The following GPC5 variants were observed in gnomAD, a reference collection of about 807,000 sequenced individuals.
The protein encoded by GPC5 is glypican 5.
In GPC5, 47 loss-of-function variants were observed where a neutral mutation model predicts 53.9. The observed-to-expected ratio is 0.87, with a 90% CI of 0.69 to 1.11. GPC5 has a LOEUF of 1.11. GPC5 is among the 50% of genes most tolerant of loss of function. The pLI is 0.00. For synonymous variants in GPC5, 286 were observed against 263.3 expected (o/e 1.09, Z -0.84); for missense variants, 748 against 713.1 (o/e 1.05, Z -0.56).
At chr13:91,561,831 C>A (rs1335933924) in intron 2 of GPC5, among the ~76,000 whole-genome samples, 2 of 152,072 alleles carry the variant, frequency 1.3e-5, no homozygotes, top group Non-Finnish European at 2.9e-5. Flanking sequence ...AATATTTTTA[C>A]TGAGAAAAAT....
intron 6 of GPC5, among the ~76,000 whole-genome samples, chr13:92,062,417 T>C (rs865834993): frequency 1.3e-4 from 20 of 152,126 alleles, no homozygotes; most frequent in African/African-American, 3.9e-4. Flanking sequence ...CTGCTAAAAA[T>C]AAATCAGAGT....
intron 7 of GPC5, among the ~76,000 whole-genome samples, chr13:92,657,737 A>G (rs1402130053): frequency 6.6e-6 from 1 of 151,858 alleles, no homozygotes; most frequent in Non-Finnish European, 1.5e-5. Context: ...AATACTTCAA[A>G]TTTTCCAAGA....
chr13:92,783,729 C>T (rs1198659672), intron 7 of GPC5, among the ~76,000 whole-genome samples: 3 of 151,948 alleles, frequency 2.0e-5, no homozygotes, highest in Non-Finnish European at 4.4e-5. Context: ...TAGGTTTTGC[C>T]CTTGTCTATT....
chr13:91,943,654 G>C (rs929780043), intron 6 of GPC5, among the ~76,000 whole-genome samples: 1 of 152,114 alleles, frequency 6.6e-6, no homozygotes, highest in Non-Finnish European at 1.5e-5. Context: ...CCTGGTAGAA[G>C]TTTCACTAAT....
chr13:92,397,628 T>C (rs1236262206), intron 7 of GPC5, among the ~76,000 whole-genome samples: 1 of 152,192 alleles, frequency 6.6e-6, no homozygotes, highest in Non-Finnish European at 1.5e-5. Flanking sequence ...AATTTCATGG[T>C]GATGGTTTCC....
rs370585479 is a variant in GPC5, at chr13:92,181,959, TG to T, written c.1561+36972del. On this transcript the variant is annotated intron_variant, in intron 7 of 7. Transcript: ENST00000377067. Reference sequence around the variant, plus strand: ...GAGTAGGTTTGCATTGGGAATCAAGTGGCAGAAAAAAAGATGTCAGGGTAAG... The same window carrying T: ...GAGTAGGTTTGCATTGGGAATCAAGTGCAGAAAAAAAGATGTCAGGGTAAG... Among the ~76,000 whole-genome samples the T allele has an allele frequency of 3.3e-4, 51 of 152,326 alleles. 1 individual carries two copies. The South Asian group carries it at 0.01, about 31-fold the overall frequency.
At chr13:91,663,093 G>A (rs1017919356) in intron 2 of GPC5, among the ~76,000 whole-genome samples, 4 of 152,294 alleles carry the variant, frequency 2.6e-5, no homozygotes, top group Non-Finnish European at 4.4e-5. Flanking sequence ...TTCTAGTAGT[G>A]GAAGGCTTGA....
At chr13:91,832,461 G>A (rs1196451157) in intron 5 of GPC5, among the ~76,000 whole-genome samples, 2 of 151,812 alleles carry the variant, frequency 1.3e-5, no homozygotes, top group Non-Finnish European at 2.9e-5. Context: ...TTTAATTGGG[G>A]CATTTAGCCC....
rs1458210950 is a variant in GPC5, at chr13:91,571,774, T to TAC, written c.326-121405_326-121404dup. On this transcript the variant is annotated intron_variant, in intron 2 of 7. Transcript: ENST00000377067. The stretch of plus-strand genomic sequence containing the variant: ...ACACATATACATGTGTATGTGTATA[T>TAC]ACACACACATATACGTGTGTGTATA... 3.8e-5 allele frequency among the ~76,000 whole-genome samples: 5 copies of TAC among 131,154 alleles called. 1 individual carries two copies. Among genetic ancestry groups the TAC allele is most frequent in the African/African-American group, 8.6e-5 (3 of 35,026 alleles). 86.0% of individuals were successfully genotyped at this position (131,154 alleles called of 152,430 possible). A position where few individuals can be genotyped will look rare whatever the true frequency, so the allele number is the denominator to read the frequency against.
chr13:91,819,504 A>T (rs2038457148), intron 5 of GPC5, among the ~76,000 whole-genome samples: 1 of 152,174 alleles, frequency 6.6e-6, no homozygotes, highest in Admixed American at 6.5e-5. Flanking sequence ...TTGAACAGCT[A>T]TCATACTATA....
At chr13:92,140,871 G>C (rs2041825521) in intron 6 of GPC5, among the ~76,000 whole-genome samples, 1 of 152,136 alleles carries the variant, frequency 6.6e-6, no homozygotes, top group Non-Finnish European at 1.5e-5. Flanking sequence ...GCTTAGAGGT[G>C]AACTACAGAG....
At chr13:92,629,089 T>A (rs935562244) in intron 7 of GPC5, among the ~76,000 whole-genome samples, 1 of 152,148 alleles carries the variant, frequency 6.6e-6, no homozygotes, top group Non-Finnish European at 1.5e-5. Flanking sequence ...CTAGAATAAG[T>A]CTATTGGAAC....
chr13:92,087,263 A>G (rs778890221), intron 6 of GPC5, among the ~76,000 whole-genome samples: 11 of 152,120 alleles, frequency 7.2e-5, no homozygotes, highest in South Asian at 4.1e-4. Flanking sequence ...TCCTGTTTCC[A>G]CATCTACCAC....
chr13:92,641,974 C>A (rs191715256), intron 7 of GPC5, among the ~76,000 whole-genome samples: 1,375 of 131,034 alleles, frequency 0.01, 20 homozygotes, highest in African/African-American at 0.033. Flanking sequence ...GAAATTTTTT[C>A]TTATTCTGTT....
chr13:91,789,630 G>A (rs1251513147), intron 5 of GPC5, among the ~76,000 whole-genome samples: 1 of 152,074 alleles, frequency 6.6e-6, no homozygotes, highest in Non-Finnish European at 1.5e-5. Context: ...AAAAATGCAC[G>A]CTGACTTTCT....
intron 7 of GPC5, among the ~76,000 whole-genome samples, chr13:92,177,285 A>G (rs1483089399): frequency 4.6e-5 from 7 of 152,140 alleles, no homozygotes; most frequent in African/African-American, 9.7e-5. Context: ...TCTGACTTTC[A>G]TCATATCTGC....
intron 7 of GPC5, among the ~76,000 whole-genome samples, chr13:92,323,402 A>G (rs2043228996): frequency 6.6e-6 from 1 of 151,014 alleles, no homozygotes; most frequent in Non-Finnish European, 1.5e-5. Context: ...CATGTTGTAT[A>G]TGTATTTTTC....
chr13:91,512,676 G>A (rs1885296817), intron 2 of GPC5, among the ~76,000 whole-genome samples: 1 of 152,172 alleles, frequency 6.6e-6, no homozygotes, highest in Non-Finnish European at 1.5e-5. Flanking sequence ...TCTCTCATGA[G>A]AGCCTGTAAA....
chr13:91,478,814 TATATATATACAC>T (rs1229114344), intron 2 of GPC5, among the ~76,000 whole-genome samples: 5 of 120,530 alleles, frequency 4.1e-5, no homozygotes, highest in African/African-American at 1.4e-4. Flanking sequence ...TATATATATA[TATATATATACAC>T]ACACACACAT....
Sources: gnomAD v4.1 joint callset for allele counts (sites outside exome capture counted in the v4.1 genomes callset) on GRCh38, gnomAD v4.1.1 for gene constraint, MANE v1.5 for transcripts, NCBI Gene and HGNC (gene_info 2026-07-23, HGNC 2026-07-21) for gene names.